CDK14: variants seen among roughly 807,000 people sequenced by gnomAD.
The protein encoded by CDK14 is cyclin dependent kinase 14, also known as cyclin-dependent kinase 14.
CDK14 carries 34 observed loss-of-function variants against 60.7 expected under a neutral mutation model. That is an observed-to-expected ratio of 0.56 (90% confidence interval 0.43 to 0.75). The LOEUF (loss-of-function observed/expected upper bound fraction) is 0.75, where lower values mean the gene tolerates loss of function less well. Ranked by LOEUF, CDK14 falls within the 30% of genes least tolerant of loss-of-function variation. CDK14 has a pLI of 0.00. For missense variants in CDK14, 482 were observed against 564.1 expected (o/e 0.85, Z 1.47); for synonymous variants, 197 against 203.7 (o/e 0.97, Z 0.28).
intron 5 of CDK14, among the ~76,000 whole-genome samples, chr7:90,813,399 C>G (rs1208604398): frequency 6.6e-6 from 1 of 152,122 alleles, no homozygotes; most frequent in Non-Finnish European, 1.5e-5. Context: ...TGTATGCATA[C>G]AACTGGTGGG....
intron 6 of CDK14, among the ~76,000 whole-genome samples, chr7:90,885,095 T>C (rs1020318869): frequency 6.6e-6 from 1 of 152,082 alleles, no homozygotes; most frequent in Non-Finnish European, 1.5e-5. Flanking sequence ...TGGGAACTAA[T>C]TAAACTTAAG....
chr7:90,808,537 G>A (rs191660963), intron 5 of CDK14, among the ~76,000 whole-genome samples: 20 of 152,258 alleles, frequency 1.3e-4, no homozygotes, highest in African/African-American at 4.3e-4. Context: ...GACCATCGAG[G>A]CTAGGAAGAA....
In CDK14 at chr7:90,747,663, C is replaced by G. The variant is rs1330848904; in HGVS notation, c.370-18C>G. On this transcript the variant is annotated intron_variant, in intron 3 of 14. Transcript: ENST00000380050. Reference sequence around the variant, plus strand: ...ATTTGATACAATCTGTTTTGTTTACCCTGTGCTTCATTTTTAGCCAACAAG... The same window carrying G: ...ATTTGATACAATCTGTTTTGTTTACGCTGTGCTTCATTTTTAGCCAACAAG... 4 of 1,462,186 alleles carry G rather than the reference C, an allele frequency of 2.7e-6. No individual in the cohort carries two copies. Among genetic ancestry groups the G allele is most frequent in the Non-Finnish European group, 3.8e-6 (4 of 1,062,140 alleles). 90.6% of individuals were successfully genotyped at this position (1,462,186 alleles called of 1,614,324 possible).
At chr7:91,083,089 T>G (rs933602309) in intron 12 of CDK14, among the ~76,000 whole-genome samples, 6 of 152,200 alleles carry the variant, frequency 3.9e-5, no homozygotes, top group Admixed American at 2.0e-4. Flanking sequence ...TCTTAAATCA[T>G]CTTTCCCCAC....
chr7:91,112,646 G>A lies in CDK14; in HGVS notation c.1259G>A (p.Ser420Asn). ...AQAALSHEYF[S>N]DLPPRLWELT... ...GCTGCCTTGAGCCACGAGTATTTTA[G>A]TGACCTGCCGCCACGGCTATGGGAA... Residue 420 changes from serine to asparagine, a missense_variant, in exon 13 of 15, where the codon AGT becomes AAT. Ser to Asn is a conservative substitution (Grantham distance 46). Transcript: ENST00000380050. 1 of 1,613,678 alleles carries A rather than the reference G, an allele frequency of 6.2e-7. No individual in the cohort carries two copies. The highest frequency in any genetic ancestry group is 8.5e-7 in the Non-Finnish European group (1 of 1,179,852).
chr7:90,772,233 G>T (rs1804812560), intron 4 of CDK14, among the ~76,000 whole-genome samples: 1 of 152,192 alleles, frequency 6.6e-6, no homozygotes, highest in South Asian at 2.1e-4. Flanking sequence ...GTGCCTGCCA[G>T]GCCTCTACAC....
intron 2 of CDK14, among the ~76,000 whole-genome samples, chr7:90,685,649 A>ATTTTT (rs66912750): frequency 5.0e-4 from 51 of 101,686 alleles, no homozygotes; most frequent in African/African-American, 1.6e-3. Context: ...CAGCCAATTA[A>ATTTTT]TTTTTTTTTT....
intron 14 of CDK14, among the ~76,000 whole-genome samples, chr7:91,202,788 T>C (rs1321871479): frequency 6.6e-6 from 1 of 152,170 alleles, no homozygotes; most frequent in Non-Finnish European, 1.5e-5. Context: ...CATTGGCGCC[T>C]CTCTTCTGTT....
intron 5 of CDK14, among the ~76,000 whole-genome samples, chr7:90,794,626 CTCCCTTGTTCCCTGAA>C (rs1198276811): frequency 6.6e-6 from 1 of 152,178 alleles, no homozygotes; most frequent in Non-Finnish European, 1.5e-5. Context: ...TAATAGTTAT[CTCCCTTGTTCCCTGAA>C]CATCGCTGTT....
At chr7:90,911,212 G>T (rs1792888741) in intron 7 of CDK14, among the ~76,000 whole-genome samples, 1 of 152,086 alleles carries the variant, frequency 6.6e-6, no homozygotes, top group African/African-American at 2.4e-5. Context: ...CTCAATAAAT[G>T]GTAGTGATTC....
intron 6 of CDK14, among the ~76,000 whole-genome samples, chr7:90,879,154 A>G (rs1022424381): frequency 6.6e-6 from 1 of 152,184 alleles, no homozygotes; most frequent in Admixed American, 6.5e-5. Context: ...TTACTATCCA[A>G]CCACTCCAGA....
intron 2 of CDK14, among the ~76,000 whole-genome samples, chr7:90,702,695 C>G (rs914299918): frequency 6.6e-6 from 1 of 152,034 alleles, no homozygotes; most frequent in Non-Finnish European, 1.5e-5. Flanking sequence ...CAAGGGCCTG[C>G]TTCCTATTTT....
chr7:90,751,515 A>C (rs1803845413), intron 4 of CDK14, among the ~76,000 whole-genome samples: 2 of 152,172 alleles, frequency 1.3e-5, no homozygotes, highest in Non-Finnish European at 2.9e-5. Context: ...GAGATCCTTA[A>C]GGGTGTTCTA....
chr7:90,673,366 C>A (rs1397720939), intron 2 of CDK14, among the ~76,000 whole-genome samples: 1 of 152,160 alleles, frequency 6.6e-6, no homozygotes, highest in African/African-American at 2.4e-5. Flanking sequence ...GGAAAGGCAT[C>A]ACTTCACAGA....
intron 2 of CDK14, among the ~76,000 whole-genome samples, chr7:90,667,268 C>A (rs968070600): frequency 3.9e-5 from 6 of 152,106 alleles, no homozygotes; most frequent in Non-Finnish European, 7.4e-5. Flanking sequence ...AATACCCAGC[C>A]CGTATTCGAG....
At chr7:90,638,968 G>T (rs962618626) in intron 2 of CDK14, among the ~76,000 whole-genome samples, 1 of 152,068 alleles carries the variant, frequency 6.6e-6, no homozygotes, top group Non-Finnish European at 1.5e-5. Flanking sequence ...TCGAGCCTTG[G>T]CTTTCAGGTC....
At chr7:91,008,154 A>C (rs55861061) in intron 10 of CDK14, among the ~76,000 whole-genome samples, 10,239 of 148,876 alleles carry the variant, frequency 0.069, 530 homozygotes, top group Middle Eastern at 0.11. Context: ...AACAAACAAA[A>C]AAAAACAGTG....
At chr7:91,094,432 A>G (rs1363075407) in intron 12 of CDK14, among the ~76,000 whole-genome samples, 2 of 152,146 alleles carry the variant, frequency 1.3e-5, no homozygotes, top group Non-Finnish European at 2.9e-5. Context: ...AAGTGGTAAT[A>G]GTGCAGTATG....
chr7:90,930,459 T>A (rs574899502), intron 8 of CDK14, among the ~76,000 whole-genome samples: 3 of 151,880 alleles, frequency 2.0e-5, no homozygotes, highest in African/African-American at 7.3e-5. Context: ...GTGAATGACA[T>A]GTCTGTGGTC....
Sources: allele counts gnomAD v4.1 joint callset (sites outside exome capture counted in the v4.1 genomes callset), GRCh38; gene constraint gnomAD v4.1.1; transcripts MANE v1.5; gene names NCBI Gene and HGNC (gene_info 2026-07-23, HGNC 2026-07-21).